The following RTN1 variants were observed in gnomAD, a reference collection of about 807,000 sequenced individuals.
The protein encoded by RTN1 is reticulon-1.
RTN1 carries 25 observed loss-of-function variants against 65.5 expected under a neutral mutation model. The ratio of observed to expected loss-of-function variants is 0.38; its 90% CI spans 0.28 to 0.53. The LOEUF (loss-of-function observed/expected upper bound fraction) is 0.53. Ranked by LOEUF, RTN1 falls within the 20% of genes least tolerant of loss-of-function variation. The pLI, the probability that RTN1 is intolerant of heterozygous loss-of-function variation, is 0.79. For missense variants in RTN1, 983 were observed against 1,025.4 expected, an observed-to-expected ratio of 0.96 and a Z score of 0.57; for synonymous variants, 471 against 447.6, an observed-to-expected ratio of 1.05 and a Z score of -0.66.
At chr14:59,681,265 A>T (rs185815905) in intron 3 of RTN1, among the ~76,000 whole-genome samples, 17 of 152,288 alleles carry the variant, frequency 1.1e-4, no homozygotes, top group Non-Finnish European at 1.8e-4. Context: ...AGACATATGA[A>T]CATATATTTC....
chr14:59,805,123 G>T (rs1886614521), intron 1 of RTN1, among the ~76,000 whole-genome samples: 1 of 152,198 alleles, frequency 6.6e-6, no homozygotes, highest in African/African-American at 2.4e-5. Flanking sequence ...GTGGCTCAAT[G>T]CTTTCCTTCA....
intron 1 of RTN1, among the ~76,000 whole-genome samples, chr14:59,779,290 G>A (rs1886109868): frequency 6.6e-6 from 1 of 152,066 alleles, no homozygotes; most frequent in South Asian, 2.1e-4. Flanking sequence ...ATAACTTTCT[G>A]TCATACGAAG....
intron 1 of RTN1, among the ~76,000 whole-genome samples, chr14:59,758,994 G>A (rs1303149344): frequency 6.6e-6 from 1 of 152,202 alleles, no homozygotes; most frequent in Non-Finnish European, 1.5e-5. Flanking sequence ...TGGAAGTTCA[G>A]GTGCCCTTGG....
chr14:59,713,181 T>C (rs1006276921), intron 3 of RTN1, among the ~76,000 whole-genome samples: 9 of 152,096 alleles, frequency 5.9e-5, no homozygotes, highest in Non-Finnish European at 1.0e-4. Context: ...CCAGATCCAA[T>C]TGGCGCACGA....
At chr14:59,653,664 A>G (rs1344388353) in intron 3 of RTN1, among the ~76,000 whole-genome samples, 1 of 151,962 alleles carries the variant, frequency 6.6e-6, no homozygotes, top group Admixed American at 6.6e-5. Flanking sequence ...TTGAATTTAT[A>G]ACATATATAG....
chr14:59,596,791 A>G lies in RTN1; in HGVS notation c.2289-4T>C. ...GCCTGGGATTTTAGCCTGAATCCTA[A>G]AAAGACAGTATCAAAAGGTAGTAAA... On this transcript the variant is annotated splice_region_variant and splice_polypyrimidine_tract_variant and intron_variant, in intron 8 of 8. Coordinates refer to ENST00000267484, the MANE Select transcript of RTN1 (RefSeq NM_021136.3). 6.2e-7 allele frequency: 1 copy of G among 1,608,584 alleles called. No homozygotes were observed.
At chr14:59,687,063 G>T (rs1272069005) in intron 3 of RTN1, among the ~76,000 whole-genome samples, 1 of 152,188 alleles carries the variant, frequency 6.6e-6, no homozygotes, top group Non-Finnish European at 1.5e-5. Context: ...GCAGGCCCGG[G>T]GTGGGAGGAG....
At chr14:59,802,545 C>T (rs554356024) in intron 1 of RTN1, among the ~76,000 whole-genome samples, 5 of 152,274 alleles carry the variant, frequency 3.3e-5, no homozygotes, top group South Asian at 4.1e-4. Flanking sequence ...GCCATTAATA[C>T]ACATTATTCA....
At chr14:59,603,190 T>A (rs746523450) in intron 7 of RTN1, 22 bp downstream of exon 7, 1 of 1,613,138 alleles carries the variant, frequency 6.2e-7, no homozygotes, top group Non-Finnish European at 8.5e-7. Context: ...AATGCCATTT[T>A]TTGACATCAC....
intron 2 of RTN1, among the ~76,000 whole-genome samples, chr14:59,734,224 T>C (rs185636995): frequency 1.7e-4 from 26 of 151,882 alleles, no homozygotes; most frequent in African/African-American, 5.6e-4. Context: ...AAAAACCCCA[T>C]CCAAAAGTCA....
intron 1 of RTN1, among the ~76,000 whole-genome samples, chr14:59,775,746 A>G (rs890281334): frequency 2.0e-5 from 3 of 152,238 alleles, no homozygotes; most frequent in Non-Finnish European, 4.4e-5. Flanking sequence ...TACATCTTCT[A>G]TTCCATGTAC....
At chr14:59,718,855 T>C (rs1490623213) in intron 3 of RTN1, among the ~76,000 whole-genome samples, 4 of 152,178 alleles carry the variant, frequency 2.6e-5, no homozygotes, top group Non-Finnish European at 2.9e-5. Flanking sequence ...ATTTGAGGGG[T>C]ATTGGGGATA....
At chr14:59,651,606 C>G (rs1317862732) in intron 3 of RTN1, among the ~76,000 whole-genome samples, 1 of 151,976 alleles carries the variant, frequency 6.6e-6, no homozygotes, top group Non-Finnish European at 1.5e-5. Context: ...AGCATGGTAG[C>G]AGGCACCTGT....
chr14:59,693,900 T>G (rs1884010738), intron 3 of RTN1, among the ~76,000 whole-genome samples: 1 of 152,192 alleles, frequency 6.6e-6, no homozygotes, highest in Non-Finnish European at 1.5e-5. Flanking sequence ...TGGATGAATG[T>G]GTTTAGCTAA....
chr14:59,650,013 A>T (rs544331510), intron 3 of RTN1, among the ~76,000 whole-genome samples: 1 of 152,356 alleles, frequency 6.6e-6, no homozygotes, highest in South Asian at 2.1e-4. Context: ...ATGCCTGGCA[A>T]TGATAGGCTG....
intron 1 of RTN1, among the ~76,000 whole-genome samples, chr14:59,754,123 C>G (rs867335352): frequency 6.6e-6 from 1 of 152,130 alleles, no homozygotes; most frequent in Admixed American, 6.5e-5. Context: ...GAAGGATTCA[C>G]AGGCCACTAT....
At chr14:59,625,552 C>T (rs1304637607) in intron 3 of RTN1, among the ~76,000 whole-genome samples, 1 of 152,138 alleles carries the variant, frequency 6.6e-6, no homozygotes, top group Admixed American at 6.5e-5. Flanking sequence ...CTTTTTGTAA[C>T]ATATTCAATC....
At chr14:59,724,121 G>A (rs1334330247) in intron 3 of RTN1, among the ~76,000 whole-genome samples, 2 of 152,182 alleles carry the variant, frequency 1.3e-5, no homozygotes, top group African/African-American at 2.4e-5. Context: ...ATCCTAGAAG[G>A]TGTAGGGGAG....
At chr14:59,679,550 T>C (rs1403959877) in intron 3 of RTN1, among the ~76,000 whole-genome samples, 1 of 152,194 alleles carries the variant, frequency 6.6e-6, no homozygotes, top group Non-Finnish European at 1.5e-5. Context: ...TTAAAAAGGG[T>C]TGAACAGTAA....
Sources: allele counts gnomAD v4.1 joint callset (sites outside exome capture counted in the v4.1 genomes callset), GRCh38; gene constraint gnomAD v4.1.1; transcripts MANE v1.5; gene names NCBI Gene and HGNC (gene_info 2026-07-23, HGNC 2026-07-21).